The following GSTZ1 variants were observed in gnomAD, a reference collection of about 807,000 sequenced individuals.
GSTZ1 encodes glutathione S-transferase zeta 1, also known as maleylacetoacetate isomerase.
In GSTZ1, 34 loss-of-function variants were observed where a neutral mutation model predicts 35.9. That is an observed-to-expected ratio of 0.95 (90% CI 0.72 to 1.26). GSTZ1 has a LOEUF of 1.26. Among genes scored for constraint, GSTZ1 ranks in the 50% most tolerant of loss-of-function variants. GSTZ1 has a pLI of 0.00. For missense variants in GSTZ1, 263 were observed against 271.7 expected, an observed-to-expected ratio of 0.97 and a Z score of 0.23; for synonymous variants, 93 against 101.2, an observed-to-expected ratio of 0.92 and a Z score of 0.49.
chr14:77,321,199 C>T lies in GSTZ1; in HGVS notation c.15+16C>T. 2 of 1,489,446 alleles carry T rather than the reference C, an allele frequency of 1.3e-6. No homozygotes were observed. Among genetic ancestry groups the T allele is most frequent in the South Asian group, 1.3e-5 (1 of 77,436 alleles). The allele number at this position is 1,489,446 out of a possible 1,614,324, so 92.3% of individuals were successfully genotyped here. ...GGCGGGGAAGGTCTGTGACGCGCAC[C>T]CGGGTGGAGGGAAGCTGGTTAGACA... On this transcript the variant is annotated intron_variant, in intron 1 of 8. Coordinates refer to ENST00000216465, the MANE Select transcript of GSTZ1 (RefSeq NM_145870.3).
At position 77,321,107 on chromosome 14, in the gene GSTZ1, C is replaced by T. The variant is rs372645431; in HGVS notation, c.-62C>T. Reference sequence around the variant, plus strand: ...TCGTCGAGTCTCACTGAGCCTTAGTCGTCGGCAGGTCCCAGGCGCGAAGTT... The same window carrying T: ...TCGTCGAGTCTCACTGAGCCTTAGTTGTCGGCAGGTCCCAGGCGCGAAGTT... On this transcript the variant is annotated 5_prime_UTR_variant, in exon 1 of 9. Coordinates refer to ENST00000216465, the MANE Select transcript of GSTZ1 (RefSeq NM_145870.3). The T allele has an allele frequency of 2.4e-4, 347 of 1,429,450 alleles. 6 individuals are homozygous for T. The South Asian group carries it at 4.6e-3, about 19-fold the overall frequency. 88.5% of individuals were successfully genotyped at this position (1,429,450 alleles called of 1,614,324 possible).
chr14:77,330,253 C>A (rs1892552136), intron 7 of GSTZ1, 57 bp from the exon 8 acceptor site: 6 of 1,229,116 alleles, frequency 4.9e-6, no homozygotes, highest in Non-Finnish European at 7.2e-6. Context: ...CACACCCAGT[C>A]CAGCCACTGA....
intron 2 of GSTZ1, 43 bp from the exon 3 acceptor site, chr14:77,326,795 C>T (rs181652396): frequency 9.2e-6 from 13 of 1,414,794 alleles, no homozygotes; most frequent in South Asian, 4.8e-5. Flanking sequence ...AAGAGTACGG[C>T]GAGAGGCTGT....
intron 3 of GSTZ1, chr14:77,327,144 C>G: frequency 1.7e-6 from 1 of 590,834 alleles, no homozygotes; most frequent in South Asian, 2.0e-5. Flanking sequence ...AGTGCCTGAC[C>G]CTGGGAGGGT....
At chr14:77,328,301 T>C in intron 5 of GSTZ1, 1 of 491,626 alleles carries the variant, frequency 2.0e-6, no homozygotes, top group Non-Finnish European at 3.7e-6. Context: ...AGGGCCAGAA[T>C]GGCAGGGGAG....
intron 8 of GSTZ1, 69 bp from the exon 9 acceptor site, chr14:77,331,000 C>A: frequency 6.7e-7 from 1 of 1,499,150 alleles, no homozygotes; most frequent in Non-Finnish European, 9.2e-7. Context: ...CTCTGCTCCC[C>A]CTGCTGCATC....
chr14:77,321,183 G>A lies in GSTZ1; in HGVS notation c.15G>A (p.Lys5=). The change falls in exon 1 of 9, where the codon AAG becomes AAA. Residue 5 remains lysine, a splice_region_variant and synonymous_variant. Transcript: ENST00000216465. ...CGAAGTGCCAGATGCAGGCGGGGAA[G>A]GTCTGTGACGCGCACCCGGGTGGAG... MQAG[K]PILYSYFRSS... is the part of the protein sequence containing the mutation. The A allele has an allele frequency of 6.8e-7, 1 of 1,476,784 alleles. No homozygotes were observed. The highest frequency in any genetic ancestry group is 1.9e-4 in the Middle Eastern group (1 of 5,308). 91.5% of individuals were successfully genotyped at this position (1,476,784 alleles called of 1,614,324 possible).
At chr14:77,330,145 G>T in intron 7 of GSTZ1, 165 bp from the exon 8 acceptor site, 5 of 764,204 alleles carry the variant, frequency 6.5e-6, no homozygotes, top group Non-Finnish European at 1.2e-5. Flanking sequence ...AGCTCCGGGG[G>T]ACAGACTCAT....
chr14:77,330,168 CAGACAAGAATTGGAGGTGGGATGGGTGAA>C, intron 7 of GSTZ1, 113 bp from the exon 8 acceptor site: 1 of 788,848 alleles, frequency 1.3e-6, no homozygotes, highest in African/African-American at 1.7e-5. Flanking sequence ...AGGCCTAGGG[CAGACAAGAATTGGAGGTGGGATGGGTGAA>C]AGAGCCGAAG....
At chr14:77,322,462 C>A in intron 1 of GSTZ1, 1 of 316,374 alleles carries the variant, frequency 3.2e-6, no homozygotes, top group Non-Finnish European at 4.6e-6. Flanking sequence ...AGTACAGATC[C>A]AAAGGTGTAA....
In GSTZ1 at chr14:77,327,326, G is replaced by A. The variant is rs562476607; in HGVS notation, c.136-146G>A. 63 of 651,510 alleles carry A rather than the reference G, an allele frequency of 9.7e-5. No individual in the cohort carries two copies. The African/African-American group carries it at 1.0e-3, about 10-fold the overall frequency. 40.4% of individuals were successfully genotyped at this position (651,510 alleles called of 1,614,324 possible). A position where few individuals can be genotyped will look rare whatever the true frequency, so the allele number is the denominator to read the frequency against. On this transcript the variant is annotated intron_variant, in intron 3 of 8. Transcript: ENST00000216465. ...TTTGGGAGACTGCATGGATCCCCCAGGGATTACCCTGGGCCTAGGATTTAG... is the reference window on the plus strand; with the variant it reads ...TTTGGGAGACTGCATGGATCCCCCAAGGATTACCCTGGGCCTAGGATTTAG...
At chr14:77,324,822 GC>G (rs1566671879) in intron 1 of GSTZ1, 47 bp from the exon 2 acceptor site, 1 of 1,562,592 alleles carries the variant, frequency 6.4e-7, no homozygotes, top group African/African-American at 1.4e-5. Context: ...CCAAGCTGGA[GC>G]CCACCCAGCA....
chr14:77,324,596 C>G (rs750293528), intron 1 of GSTZ1: 1 of 1,534,398 alleles, frequency 6.5e-7, no homozygotes, highest in Non-Finnish European at 8.7e-7. Context: ...TGAGGGTCAC[C>G]ACGATACCAT....
At chr14:77,324,405 C>T (rs1040820161) in intron 1 of GSTZ1, 1 of 613,402 alleles carries the variant, frequency 1.6e-6, no homozygotes, top group East Asian at 2.8e-5. Context: ...CCTTGGCTCC[C>T]GAAGTGCTGG....
chr14:77,321,186 C>G lies in GSTZ1; in HGVS notation c.15+3C>G, dbSNP rs545656806. ...AGTGCCAGATGCAGGCGGGGAAGGTCTGTGACGCGCACCCGGGTGGAGGGA... is the reference window on the plus strand; with the variant it reads ...AGTGCCAGATGCAGGCGGGGAAGGTGTGTGACGCGCACCCGGGTGGAGGGA... On this transcript the variant is annotated splice_donor_region_variant and intron_variant, in intron 1 of 8. Coordinates refer to ENST00000216465, the MANE Select transcript of GSTZ1 (RefSeq NM_145870.3). The G allele has an allele frequency of 7.4e-6, 11 of 1,480,474 alleles. No individual in the cohort carries two copies. The Middle Eastern group carries it at 5.6e-4, about 75-fold the overall frequency. The allele number at this position is 1,480,474 out of a possible 1,614,324, so 91.7% of individuals were successfully genotyped here.
intron 1 of GSTZ1, chr14:77,323,105 T>C (rs1398347308): frequency 6.6e-6 from 1 of 152,124 alleles, no homozygotes; most frequent in Non-Finnish European, 1.5e-5. Flanking sequence ...CCCTTAAACC[T>C]TGGAGTAGAG....
At chr14:77,325,324 A>C (rs1266771382) in intron 2 of GSTZ1, 2 of 224,900 alleles carry the variant, frequency 8.9e-6, no homozygotes. Flanking sequence ...CGGAGGCTTC[A>C]GAAAAGCAGA....
At chr14:77,328,081 C>T in intron 5 of GSTZ1, 44 bp downstream of exon 5, 1 of 1,606,462 alleles carries the variant, frequency 6.2e-7, no homozygotes, top group East Asian at 2.2e-5. Context: ...CTGACACACT[C>T]TTACACTCAC....
At chr14:77,321,310 C>G (rs1182314534) in intron 1 of GSTZ1, 127 bp downstream of exon 1, 91 of 1,529,272 alleles carry the variant, frequency 6.0e-5, no homozygotes, top group Non-Finnish European at 7.8e-5. Flanking sequence ...GTGCTTTGCG[C>G]CGGGCACGCT....
Sources: gnomAD v4.1 joint callset for allele counts on GRCh38, gnomAD v4.1.1 for gene constraint, MANE v1.5 for transcripts, NCBI Gene and HGNC (gene_info 2026-07-23, HGNC 2026-07-21) for gene names.